DOCK7: variants seen among roughly 807,000 people sequenced by gnomAD.
The protein encoded by DOCK7 is dedicator of cytokinesis protein 7.
In DOCK7, 138 loss-of-function variants were observed where a neutral mutation model predicts 271.0. That is an observed-to-expected ratio of 0.51 (90% CI 0.44 to 0.59). The LOEUF (loss-of-function observed/expected upper bound fraction) is 0.59. Ranked by LOEUF, DOCK7 falls within the 20% of genes least tolerant of loss-of-function variation. The probability of loss-of-function intolerance (pLI) is 0.00; values close to 1 mark genes in which losing one functional copy is unlikely to be tolerated. For synonymous variants in DOCK7, 823 were observed against 876.1 expected, an observed-to-expected ratio of 0.94 and a Z score of 1.07; for missense variants, 2,066 against 2,592.4, an observed-to-expected ratio of 0.80 and a Z score of 4.41.
chr1:62,636,050 A>G (rs1655228704), intron 8 of DOCK7, among the ~76,000 whole-genome samples: 1 of 152,218 alleles, frequency 6.6e-6, no homozygotes, highest in Non-Finnish European at 1.5e-5. Context: ...CAGAAGATCG[A>G]GATCATCCTG....
intron 1 of DOCK7, among the ~76,000 whole-genome samples, chr1:62,675,271 C>T (rs1378420261): frequency 2.0e-5 from 3 of 152,014 alleles, no homozygotes; most frequent in Non-Finnish European, 4.4e-5. Flanking sequence ...GATGTGGTGG[C>T]GTGGGCCTAT....
intron 37 of DOCK7, among the ~76,000 whole-genome samples, chr1:62,497,023 T>C (rs1443644613): frequency 2.6e-5 from 4 of 152,140 alleles, no homozygotes; most frequent in Non-Finnish European, 5.9e-5. Flanking sequence ...GCTCCACCAT[T>C]TTCTACCATG....
Position 62,601,216 on chromosome 1 carries a change from T to C in DOCK7, c.1683-14592A>G, listed in dbSNP as rs181132372. ...ATGATGGTAAGACACTTTGGTGGGT[T>C]TCCTTCTTGAAGCTATTATTATCAA... is the stretch of plus-strand genomic sequence containing the variant. On this transcript the variant is annotated intron_variant, in intron 14 of 49. Coordinates refer to ENST00000635253, the MANE Select transcript of DOCK7 (RefSeq NM_001367561.1). 2.0e-6 allele frequency: 3 copies of C among 1,494,972 alleles called. No individual in the cohort carries two copies. In the East Asian group the frequency reaches 6.8e-5, roughly 34 times the overall value. 92.6% of individuals were successfully genotyped at this position (1,494,972 alleles called of 1,614,324 possible).
At chr1:62,528,398 T>C (rs1645078911) in intron 30 of DOCK7, 93 bp from the exon 31 acceptor site, 2 of 1,209,844 alleles carry the variant, frequency 1.7e-6, no homozygotes, top group Non-Finnish European at 2.3e-6. Context: ...GAATAACTTG[T>C]TGACATGTTA....
chr1:62,517,199 C>G (rs892207261), intron 31 of DOCK7, among the ~76,000 whole-genome samples: 12 of 152,202 alleles, frequency 7.9e-5, no homozygotes, highest in Admixed American at 7.9e-4. Context: ...CCCTTGCAGT[C>G]AAACCTTATG....
At chr1:62,669,552 G>C (rs911165723) in intron 1 of DOCK7, among the ~76,000 whole-genome samples, 1 of 152,190 alleles carries the variant, frequency 6.6e-6, no homozygotes, top group Non-Finnish European at 1.5e-5. Context: ...TGCCATTCAA[G>C]AAATTACATG....
intron 1 of DOCK7, among the ~76,000 whole-genome samples, chr1:62,680,544 T>A (rs577445345): frequency 6.6e-6 from 1 of 151,834 alleles, no homozygotes; most frequent in Non-Finnish European, 1.5e-5. Flanking sequence ...AAATGGGATC[T>A]AATTAAACTA....
At chr1:62,563,270 C>T (rs542567950) in intron 18 of DOCK7, among the ~76,000 whole-genome samples, 1 of 152,282 alleles carries the variant, frequency 6.6e-6, no homozygotes, top group South Asian at 2.1e-4. Flanking sequence ...CCAGCCCCCA[C>T]TGCTACAACA....
chr1:62,670,956 C>G (rs901680761), intron 1 of DOCK7, among the ~76,000 whole-genome samples: 8 of 152,152 alleles, frequency 5.3e-5, no homozygotes, highest in Non-Finnish European at 8.8e-5. Flanking sequence ...CTGTAACACT[C>G]CCCGCGAAGA....
chr1:62,600,046 G>C (rs971146264), intron 14 of DOCK7, among the ~76,000 whole-genome samples: 1 of 151,776 alleles, frequency 6.6e-6, no homozygotes, highest in African/African-American at 2.4e-5. Context: ...TGTTAGTAGT[G>C]CTGCTAAAAG....
intron 21 of DOCK7, among the ~76,000 whole-genome samples, chr1:62,553,847 G>A (rs767389761): frequency 9.8e-5 from 12 of 122,226 alleles, no homozygotes; most frequent in African/African-American, 2.1e-4. Flanking sequence ...GTGTGCGTGC[G>A]TGCGCGCACA....
chr1:62,493,446 G>A (rs1646522980), intron 40 of DOCK7, among the ~76,000 whole-genome samples: 1 of 151,970 alleles, frequency 6.6e-6, no homozygotes, highest in South Asian at 2.1e-4. Flanking sequence ...AGATTTCCAC[G>A]GAATCTCTTT....
chr1:62,496,038 A>G (rs1646612249), intron 38 of DOCK7: 5 of 374,378 alleles, frequency 1.3e-5, no homozygotes, highest in Non-Finnish European at 1.4e-5. Context: ...TTTTTAAGGC[A>G]TATTATTGTT....
At chr1:62,631,518 G>T in intron 10 of DOCK7, 113 bp from the exon 11 acceptor site, 4 of 946,404 alleles carry the variant, frequency 4.2e-6, no homozygotes, top group Non-Finnish European at 6.1e-6. Context: ...CAGCAGAGAT[G>T]AGAAAAAAAT....
intron 37 of DOCK7, among the ~76,000 whole-genome samples, chr1:62,500,326 T>C (rs1646744885): frequency 6.6e-6 from 1 of 151,850 alleles, no homozygotes; most frequent in African/African-American, 2.4e-5. Flanking sequence ...ATCAATTACA[T>C]GTGAGCTGGC....
chr1:62,532,772 GA>G (rs1645217634), intron 29 of DOCK7, among the ~76,000 whole-genome samples: 1 of 152,208 alleles, frequency 6.6e-6, no homozygotes, highest in Admixed American at 6.5e-5. Flanking sequence ...TTCAAGAGGA[GA>G]AAAATCCAAG....
chr1:62,496,988 C>T (rs1213280571), intron 37 of DOCK7, among the ~76,000 whole-genome samples: 5 of 152,116 alleles, frequency 3.3e-5, no homozygotes, highest in Admixed American at 2.0e-4. Flanking sequence ...TACATTCTTC[C>T]TTTTTTTAGT....
intron 43 of DOCK7, among the ~76,000 whole-genome samples, chr1:62,481,141 C>T (rs1646113743): frequency 6.6e-6 from 1 of 151,804 alleles, no homozygotes; most frequent in Non-Finnish European, 1.5e-5. Flanking sequence ...GCATCCCAGG[C>T]AGAGGAAAGA....
chr1:62,468,280 G>A (rs1645734295), intron 48 of DOCK7, among the ~76,000 whole-genome samples: 1 of 148,262 alleles, frequency 6.7e-6, no homozygotes, highest in African/African-American at 2.5e-5. Flanking sequence ...AGAATCGCTT[G>A]AACCCGGGAG....
Sources: allele counts gnomAD v4.1 joint callset (sites outside exome capture counted in the v4.1 genomes callset), GRCh38; gene constraint gnomAD v4.1.1; transcripts MANE v1.5; gene names NCBI Gene and HGNC (gene_info 2026-07-23, HGNC 2026-07-21).